RTL9: variants seen among roughly 807,000 people sequenced by gnomAD.
RTL9 encodes retrotransposon Gag-like protein 9.
RTL9 carries 19 observed loss-of-function variants against 44.7 expected under a neutral mutation model. The observed-to-expected ratio is 0.42, with a 90% CI of 0.30 to 0.62. The LOEUF (loss-of-function observed/expected upper bound fraction) is 0.62, where lower values mean the gene tolerates loss of function less well. Ranked by LOEUF, RTL9 falls within the 20% of genes least tolerant of loss-of-function variation. The probability of loss-of-function intolerance (pLI) is 0.16; values close to 1 mark genes in which losing one functional copy is unlikely to be tolerated. For synonymous variants in RTL9, 407 were observed against 398.9 expected, an observed-to-expected ratio of 1.02 and a Z score of -0.24; for missense variants, 1,105 against 1,080.6, an observed-to-expected ratio of 1.02 and a Z score of -0.32.
chrX:110,359,512 T>C (rs1204193214), intron 1 of RTL9, among the ~76,000 whole-genome samples: 2 of 111,737 alleles, frequency 1.8e-5, no homozygotes, highest in South Asian at 7.5e-4. Context: ...CAAGCAACTT[T>C]CCTGAAGTCT....
At chrX:110,400,379 G>A (rs2068556038) in intron 1 of RTL9, among the ~76,000 whole-genome samples, 1 of 108,446 alleles carries the variant, frequency 9.2e-6, no homozygotes. Context: ...CCCCAATATG[G>A]CTTTCCGTAT....
At chrX:110,361,927 A>G (rs1481353101) in intron 1 of RTL9, among the ~76,000 whole-genome samples, 2 of 111,805 alleles carry the variant, frequency 1.8e-5, no homozygotes, top group African/African-American at 6.5e-5. Flanking sequence ...CTGTGTTCCA[A>G]TAAAACTGTA....
intron 1 of RTL9, 69 bp downstream of exon 1, chrX:110,358,985 G>A: frequency 8.9e-6 from 1 of 111,899 alleles, no homozygotes; most frequent in South Asian, 3.8e-4. Context: ...GCACTGGTCT[G>A]CACTGCTCTA....
At chrX:110,406,278 C>T (rs1385068457) in intron 1 of RTL9, among the ~76,000 whole-genome samples, 1 of 106,729 alleles carries the variant, frequency 9.4e-6, no homozygotes, top group Admixed American at 1.0e-4. Context: ...CCCCACAGGC[C>T]CCGGTGTGTG....
At position 110,453,192 on chromosome X, in the gene RTL9, T is replaced by A. The variant is rs768236463; in HGVS notation, c.2575T>A (p.Ser859Thr). The A allele has an allele frequency of 1.6e-5, 19 of 1,210,299 alleles. No homozygotes were observed. In the Admixed American group the frequency reaches 4.1e-4, roughly 26 times the overall value. ...AAGATCCACAGCCTCTGGAGGGATG[T>A]CCATGCCACTGATGAGAGCCCCAGA... The change falls in exon 1 of 2, where the codon TCC becomes ACC. Residue 859 changes from serine (S) to threonine (T), a missense_variant. Physicochemically the swap from Ser to Thr is moderately conservative, Grantham distance 58. Transcript: ENST00000540313.
At chrX:110,382,278 C>A (rs1234169022) in intron 1 of RTL9, among the ~76,000 whole-genome samples, 1 of 109,359 alleles carries the variant, frequency 9.1e-6, no homozygotes, top group African/African-American at 3.3e-5. Flanking sequence ...TGGGTCATGA[C>A]GAACTTTATT....
chrX:110,397,610 T>C (rs1342598851), intron 1 of RTL9, among the ~76,000 whole-genome samples: 1 of 111,013 alleles, frequency 9.0e-6, no homozygotes, highest in African/African-American at 3.3e-5. Flanking sequence ...CAGTCACTGC[T>C]GGGGACACCA....
exon 1 of RTL9, chrX:110,451,066 C>T (rs760631305): frequency 1.2e-5 from 15 of 1,210,412 alleles, no homozygotes; most frequent in South Asian, 8.8e-5. Flanking sequence ...GATTTTGGAA[C>T]GATGTCCGCA....
At chrX:110,370,472 G>T (rs957133422) in intron 1 of RTL9, among the ~76,000 whole-genome samples, 2 of 112,469 alleles carry the variant, frequency 1.8e-5, no homozygotes, top group Non-Finnish European at 3.8e-5. Flanking sequence ...GCCTCCCAAA[G>T]TGCTGGGATT....
chrX:110,455,287 C>G (rs868722346), exon 2 of RTL9: 1 of 1,210,537 alleles, frequency 8.3e-7, no homozygotes, highest in Non-Finnish European at 1.1e-6. Flanking sequence ...GGACAGAGCA[C>G]AGGCCATCAT....
chrX:110,447,682 C>T (rs2068915784), upstream of RTL9, among the ~76,000 whole-genome samples: 1 of 111,165 alleles, frequency 9.0e-6, no homozygotes, highest in East Asian at 2.8e-4. Context: ...ACAGGTGTTG[C>T]TGGGAGGTCG....
At chrX:110,371,118 C>A (rs988806449) in intron 1 of RTL9, among the ~76,000 whole-genome samples, 2 of 111,180 alleles carry the variant, frequency 1.8e-5, no homozygotes, top group Admixed American at 1.9e-4. Flanking sequence ...TTTTTTAGAG[C>A]AGTTTTAGGT....
rs1307143741 is a variant in RTL9, at chrX:110,454,398, C to T, written c.3781C>T (p.Arg1261Ter). 8.3e-7 allele frequency: 1 copy of T among 1,212,109 alleles called. No individual in the cohort carries two copies. Among genetic ancestry groups the T allele is most frequent in the Non-Finnish European group, 1.1e-6 (1 of 895,633 alleles). The change falls in exon 1 of 2, where the codon CGA becomes TGA. Residue 1261 changes from arginine to a stop codon, truncating the protein, a stop_gained. Coordinates refer to ENST00000540313, the Ensembl canonical transcript of RTL9. LOFTEE classifies it high-confidence loss of function. ...TGCCACTGACTTCCTGCTGCTGGCC[C>T]GACATTTGTCTTGGTCTGATGCCAT...
At chrX:110,416,361 C>G (rs2068677533), upstream of RTL9, among the ~76,000 whole-genome samples, 2 of 112,100 alleles carry the variant, frequency 1.8e-5, no homozygotes, top group Non-Finnish European at 3.8e-5. Flanking sequence ...TAATGTTTAC[C>G]ATGTCCCGGG....
intron 1 of RTL9, among the ~76,000 whole-genome samples, chrX:110,426,004 A>G (rs367715269): frequency 7.3e-5 from 8 of 109,841 alleles, no homozygotes; most frequent in South Asian, 3.8e-4. Context: ...ACACAAACGC[A>G]CACACACACA....
chrX:110,404,620 G>A (rs2068585938), intron 1 of RTL9, among the ~76,000 whole-genome samples: 1 of 111,602 alleles, frequency 9.0e-6, no homozygotes, highest in South Asian at 3.8e-4. Context: ...TGATAATTAC[G>A]GTACCTCAGC....
exon 1 of RTL9, chrX:110,451,818 C>A (rs1281892989): frequency 4.1e-6 from 5 of 1,211,418 alleles, no homozygotes; most frequent in South Asian, 3.5e-5. Context: ...GATGTCTGCA[C>A]CACCAGTAAG....
intron 1 of RTL9, among the ~76,000 whole-genome samples, chrX:110,441,040 C>T (rs1603015278): frequency 1.8e-5 from 2 of 111,910 alleles, no homozygotes; most frequent in South Asian, 7.6e-4. Flanking sequence ...GTGGAAAGGT[C>T]AGCATATGTC....
intron 1 of RTL9, among the ~76,000 whole-genome samples, chrX:110,367,738 A>C (rs1336707707): frequency 9.0e-6 from 1 of 110,809 alleles, no homozygotes; most frequent in Non-Finnish European, 1.9e-5. Context: ...AAAGCCTTGG[A>C]GTCTGACTTG....
Sources: gnomAD v4.1 joint callset for allele counts (sites outside exome capture counted in the v4.1 genomes callset) on GRCh38, gnomAD v4.1.1 for gene constraint, MANE v1.5 for transcripts, NCBI Gene and HGNC (gene_info 2026-07-23, HGNC 2026-07-21) for gene names.